DNAH12: variants seen among roughly 807,000 people sequenced by gnomAD.
The protein encoded by DNAH12 is dynein axonemal heavy chain 12.
A neutral mutation model predicts 371.5 loss-of-function variants in DNAH12; 285 were observed. The observed-to-expected ratio is 0.77, with a 90% CI of 0.70 to 0.85. The LOEUF (loss-of-function observed/expected upper bound fraction) is 0.85, where lower values mean the gene tolerates loss of function less well. DNAH12 is among the 40% of genes least tolerant of loss of function. DNAH12 has a pLI of 0.00. For synonymous variants in DNAH12, 1,200 were observed against 1,213.0 expected, an observed-to-expected ratio of 0.99 and a Z score of 0.22; for missense variants, 3,611 against 3,689.4, an observed-to-expected ratio of 0.98 and a Z score of 0.55.
chr3:57,453,054 A>T (rs1050335811), intron 24 of DNAH12, 39 bp from the exon 25 acceptor site: 4 of 1,505,842 alleles, frequency 2.7e-6, no homozygotes, highest in African/African-American at 1.4e-5. Flanking sequence ...ATGATCCTTA[A>T]ATGGAAATAA....
At chr3:57,446,730 ATTT>A in intron 25 of DNAH12, 41 bp from the exon 26 acceptor site, 1 of 1,415,292 alleles carries the variant, frequency 7.1e-7, no homozygotes, top group Admixed American at 2.8e-5. Flanking sequence ...CCATGCTTAA[ATTT>A]AAAAAAACAA....
At chr3:57,312,028 G>A (rs915101864) in intron 66 of DNAH12, among the ~76,000 whole-genome samples, 1 of 152,112 alleles carries the variant, frequency 6.6e-6, no homozygotes, top group African/African-American at 2.4e-5. Context: ...TCCCATACTT[G>A]TTCTAATATA....
At chr3:57,321,853 G>A (rs1179326295) in intron 65 of DNAH12, among the ~76,000 whole-genome samples, 3 of 152,154 alleles carry the variant, frequency 2.0e-5, no homozygotes, top group Non-Finnish European at 1.5e-5. Context: ...AAAGTCTCCA[G>A]TACTGTAAAC....
chr3:57,469,114 CACACAGGT>C, intron 16 of DNAH12, 135 bp from the exon 17 acceptor site: 1 of 780,376 alleles, frequency 1.3e-6, no homozygotes, highest in South Asian at 1.9e-5. Context: ...TTTTCTCAGG[CACACAGGT>C]AGAGCTGATG....
chr3:57,443,492 T>C (rs1037413622), intron 29 of DNAH12, among the ~76,000 whole-genome samples: 7 of 152,232 alleles, frequency 4.6e-5, no homozygotes, highest in Non-Finnish European at 7.3e-5. Flanking sequence ...AGCTTCATTA[T>C]AATATGTATA....
intron 8 of DNAH12, among the ~76,000 whole-genome samples, chr3:57,504,898 T>G (rs1394518464): frequency 6.6e-6 from 1 of 152,156 alleles, no homozygotes; most frequent in Non-Finnish European, 1.5e-5. Context: ...TTGTTTGTTT[T>G]GTTTGCTTTT....
chr3:57,371,270 A>AAT (rs1221739476), intron 55 of DNAH12, among the ~76,000 whole-genome samples: 7 of 152,038 alleles, frequency 4.6e-5, no homozygotes, highest in East Asian at 3.8e-4. Context: ...TGGAAAGCAT[A>AAT]ATATATATAT....
At chr3:57,444,627 T>A (rs1453754861) in intron 29 of DNAH12, 70 bp downstream of exon 29, 4 of 1,527,320 alleles carry the variant, frequency 2.6e-6, no homozygotes, top group African/African-American at 1.4e-5. Flanking sequence ...CATTAATAAA[T>A]CTTGGTAAAC....
At chr3:57,402,619 T>C (rs4681977) in intron 43 of DNAH12, among the ~76,000 whole-genome samples, 47,982 of 151,956 alleles carry the variant, frequency 0.32, 8,310 homozygotes, top group South Asian at 0.43. Flanking sequence ...CACTTATATG[T>C]AGGAGCCAAA....
At chr3:57,465,217 G>T (rs1464785797) in intron 17 of DNAH12, among the ~76,000 whole-genome samples, 1 of 152,088 alleles carries the variant, frequency 6.6e-6, no homozygotes, top group Non-Finnish European at 1.5e-5. Context: ...TGGTCCTCAT[G>T]GAATATGAAG....
At chr3:57,458,890 C>T (rs527735026) in intron 20 of DNAH12, among the ~76,000 whole-genome samples, 1 of 152,108 alleles carries the variant, frequency 6.6e-6, no homozygotes, top group Non-Finnish European at 1.5e-5. Flanking sequence ...CTCTGATCTA[C>T]AAGAAATCAT....
At chr3:57,380,799 C>T (rs1484001066) in intron 50 of DNAH12, among the ~76,000 whole-genome samples, 1 of 152,176 alleles carries the variant, frequency 6.6e-6, no homozygotes, top group East Asian at 1.9e-4. Flanking sequence ...ACTTACATCT[C>T]CTTGGAAATT....
intron 17 of DNAH12, among the ~76,000 whole-genome samples, chr3:57,466,393 A>G (rs2066205063): frequency 6.6e-6 from 1 of 152,196 alleles, no homozygotes; most frequent in Non-Finnish European, 1.5e-5. Context: ...ACGCAAATGT[A>G]TTCAACATTG....
At chr3:57,358,845 C>T (rs1450415748) in intron 58 of DNAH12, among the ~76,000 whole-genome samples, 1 of 152,146 alleles carries the variant, frequency 6.6e-6, no homozygotes, top group African/African-American at 2.4e-5. Context: ...AGTGCAGCGG[C>T]ATGATCTCAG....
chr3:57,425,182 T>TGAAA, intron 34 of DNAH12, 41 bp from the exon 35 acceptor site: 1 of 677,244 alleles, frequency 1.5e-6, no homozygotes, highest in Non-Finnish European at 2.7e-6. Flanking sequence ...ATTTTCATCT[T>TGAAA]ATTTAGAAAA....
At chr3:57,399,620 T>C (rs1376339207) in intron 43 of DNAH12, among the ~76,000 whole-genome samples, 5 of 152,190 alleles carry the variant, frequency 3.3e-5, no homozygotes, top group Non-Finnish European at 7.3e-5. Flanking sequence ...ATATAACAAT[T>C]ACAGTTGACC....
chr3:57,490,841 C>T (rs2067091359), intron 11 of DNAH12, among the ~76,000 whole-genome samples: 1 of 152,106 alleles, frequency 6.6e-6, no homozygotes, highest in African/African-American at 2.4e-5. Context: ...GTAATCCCAG[C>T]ACTGTGGGAA....
intron 59 of DNAH12, among the ~76,000 whole-genome samples, chr3:57,356,262 T>G (rs933497041): frequency 6.6e-6 from 1 of 151,888 alleles, no homozygotes. Flanking sequence ...GGCAACATGG[T>G]GAAACCCCAT....
At chr3:57,345,594 C>G (rs1050824920) in intron 60 of DNAH12, among the ~76,000 whole-genome samples, 3 of 152,136 alleles carry the variant, frequency 2.0e-5, no homozygotes, top group Non-Finnish European at 4.4e-5. Context: ...AACACTTAAG[C>G]TCATGTCAAC....
Sources: gnomAD v4.1 joint callset for allele counts (sites outside exome capture counted in the v4.1 genomes callset) on GRCh38, gnomAD v4.1.1 for gene constraint, MANE v1.5 for transcripts, NCBI Gene and HGNC (gene_info 2026-07-23, HGNC 2026-07-21) for gene names.